DCC: variants seen among roughly 807,000 people sequenced by gnomAD.
DCC encodes DCC netrin 1 receptor, also known as netrin receptor DCC.
Under a neutral mutation model 172.5 loss-of-function variants are expected in DCC, and 58 were observed. That is an observed-to-expected ratio of 0.34 (90% CI 0.27 to 0.42). The LOEUF is 0.42. DCC is among the 10% of genes least tolerant of loss of function. The pLI is 1.00. For missense variants in DCC, 1,740 were observed against 1,791.0 expected, an observed-to-expected ratio of 0.97 and a Z score of 0.51; for synonymous variants, 709 against 644.5, an observed-to-expected ratio of 1.10 and a Z score of -1.52.
At chr18:53,294,043 C>T (rs940915462) in intron 12 of DCC, among the ~76,000 whole-genome samples, 1 of 152,070 alleles carries the variant, frequency 6.6e-6, no homozygotes, top group Non-Finnish European at 1.5e-5. Flanking sequence ...TTATTAGTTT[C>T]TCCTTTTTTT....
intron 2 of DCC, among the ~76,000 whole-genome samples, chr18:52,804,524 G>T (rs992782043): frequency 6.6e-6 from 1 of 152,138 alleles, no homozygotes; most frequent in East Asian, 1.9e-4. Context: ...AAAAAGTTTG[G>T]TAATTTCCCC....
chr18:52,612,381 G>T (rs981116656), intron 1 of DCC, among the ~76,000 whole-genome samples: 1 of 151,522 alleles, frequency 6.6e-6, no homozygotes, highest in African/African-American at 2.4e-5. Flanking sequence ...TCATTTTGTG[G>T]TCATCACTCA....
intron 12 of DCC, among the ~76,000 whole-genome samples, chr18:53,293,712 C>T (rs932471815): frequency 2.6e-5 from 4 of 152,088 alleles, no homozygotes; most frequent in African/African-American, 9.7e-5. Context: ...AATTAGCATG[C>T]CAGTTTGGGG....
chr18:53,370,241 G>A (rs1034965522), intron 15 of DCC, among the ~76,000 whole-genome samples: 1 of 151,724 alleles, frequency 6.6e-6, no homozygotes, highest in East Asian at 1.9e-4. Flanking sequence ...TTGATGTACA[G>A]TTGTTTCTAG....
intron 2 of DCC, among the ~76,000 whole-genome samples, chr18:52,775,951 C>T (rs944559222): frequency 3.3e-5 from 5 of 152,220 alleles, no homozygotes; most frequent in South Asian, 2.1e-4. Context: ...TCTTCCCTTC[C>T]CAGCACTCCT....
intron 5 of DCC, among the ~76,000 whole-genome samples, chr18:52,929,398 T>A (rs1355371979): frequency 1.3e-5 from 2 of 152,142 alleles, no homozygotes; most frequent in African/African-American, 4.8e-5. Context: ...CAGGTTTATG[T>A]GATGTAAATA....
chr18:52,765,199 A>ATTTTTTTTTTTTTTTTTT (rs369735420), intron 2 of DCC, among the ~76,000 whole-genome samples: 5 of 120,110 alleles, frequency 4.2e-5, no homozygotes, highest in Admixed American at 1.7e-4. Flanking sequence ...ACTCCTGGCT[A>ATTTTTTTTTTTTTTTTTT]ATTTTTTTTT....
chr18:53,235,535 C>T (rs886179239), intron 12 of DCC, among the ~76,000 whole-genome samples: 2 of 152,076 alleles, frequency 1.3e-5, no homozygotes, highest in Non-Finnish European at 2.9e-5. Flanking sequence ...ATGAAAGTAT[C>T]AGTTAGAGCA....
At chr18:53,230,028 A>G (rs1209470617) in intron 12 of DCC, among the ~76,000 whole-genome samples, 4 of 152,124 alleles carry the variant, frequency 2.6e-5, no homozygotes, top group African/African-American at 9.6e-5. Flanking sequence ...GATTACAAAG[A>G]TGAGGCTGTA....
chr18:52,509,994 C>T (rs1279709065), intron 1 of DCC, among the ~76,000 whole-genome samples: 1 of 152,052 alleles, frequency 6.6e-6, no homozygotes, highest in Non-Finnish European at 1.5e-5. Context: ...ATCCCAGCTA[C>T]TCTAGAGGCT....
At chr18:52,539,055 A>G (rs1416712909) in intron 1 of DCC, among the ~76,000 whole-genome samples, 3 of 152,300 alleles carry the variant, frequency 2.0e-5, no homozygotes, top group East Asian at 1.9e-4. Context: ...CAGTGATTAC[A>G]TGTTAATCAG....
intron 1 of DCC, among the ~76,000 whole-genome samples, chr18:52,663,361 T>C (rs966293154): frequency 6.6e-5 from 10 of 152,094 alleles, no homozygotes; most frequent in Non-Finnish European, 1.3e-4. Context: ...TCTCAGGTGG[T>C]GCTAGAAGGG....
In DCC at chr18:53,459,399, C is replaced by A. The variant is rs1196189053; in HGVS notation, c.3560C>A (p.Thr1187Lys). ...CCCATCCAAAGTTGCCAAGACCTCA[C>A]ACCAGTCAGCCACAGCCAGTCAGAA... Reference protein sequence around the residue: ...DSPIQSCQDLTPVSHSQSETQ... With the variant: ...DSPIQSCQDLKPVSHSQSETQ... The change falls in exon 24 of 29, where the codon ACA becomes AAA. Residue 1187 changes from threonine (T) to lysine (K), a missense_variant. This residue lies in a region of DCC where 1,732 missense variants were observed against 1,767.4 expected (regional missense o/e 0.98). Transcript: ENST00000442544. The A allele has an allele frequency of 1.9e-6, 3 of 1,614,062 alleles. No homozygotes were observed. Among genetic ancestry groups the A allele is most frequent in the Non-Finnish European group, 1.7e-6 (2 of 1,179,982 alleles).
chr18:52,747,463 A>T (rs1240853081), intron 1 of DCC, among the ~76,000 whole-genome samples: 3 of 152,242 alleles, frequency 2.0e-5, no homozygotes, highest in African/African-American at 7.2e-5. Context: ...GCATTGTAAA[A>T]TCGGAAGTTT....
chr18:53,515,764 G>A (rs1304892342), intron 27 of DCC, among the ~76,000 whole-genome samples: 1 of 151,734 alleles, frequency 6.6e-6, no homozygotes, highest in African/African-American at 2.4e-5. Flanking sequence ...ACCTCTTCAA[G>A]GAGAACTACA....
chr18:53,236,006 G>A (rs1300653501), intron 12 of DCC, among the ~76,000 whole-genome samples: 1 of 152,068 alleles, frequency 6.6e-6, no homozygotes, highest in Non-Finnish European at 1.5e-5. Context: ...ATGAATATTG[G>A]ATTGTTTCCA....
At chr18:52,499,431 T>C (rs2119841) in intron 1 of DCC, among the ~76,000 whole-genome samples, 9 of 152,302 alleles carry the variant, frequency 5.9e-5, no homozygotes, top group African/African-American at 2.2e-4. Flanking sequence ...CAGTCCTCTG[T>C]AGTATCAGGC....
intron 1 of DCC, among the ~76,000 whole-genome samples, chr18:52,527,919 T>A (rs922881745): frequency 6.6e-6 from 1 of 152,212 alleles, no homozygotes; most frequent in African/African-American, 2.4e-5. Flanking sequence ...TTCCACAGAA[T>A]GATTTTCTAG....
At chr18:53,163,729 T>A (rs534688070) in intron 8 of DCC, among the ~76,000 whole-genome samples, 1 of 152,188 alleles carries the variant, frequency 6.6e-6, no homozygotes, top group Non-Finnish European at 1.5e-5. Context: ...AGTGAAGTAA[T>A]TGCCTCATAG....
Sources: gnomAD v4.1 joint callset for allele counts (sites outside exome capture counted in the v4.1 genomes callset) on GRCh38, gnomAD v4.1.1 for gene constraint, gnomAD v4.1.1 regional missense constraint, MANE v1.5 for transcripts, NCBI Gene and HGNC (gene_info 2026-07-23, HGNC 2026-07-21) for gene names.